The following NDNF variants were observed in gnomAD, a reference collection of about 807,000 sequenced individuals.
The protein encoded by NDNF is neuron derived neurotrophic factor, also known as protein NDNF.
In NDNF, 16 loss-of-function variants were observed where a neutral mutation model predicts 42.0. The observed-to-expected ratio is 0.38, with a 90% confidence interval of 0.26 to 0.58. The LOEUF is 0.58. NDNF is among the 20% of genes least tolerant of loss of function. NDNF has a pLI of 0.67. For synonymous variants in NDNF, 248 were observed against 251.7 expected, an observed-to-expected ratio of 0.99 and a Z score of 0.14; for missense variants, 616 against 666.2, an observed-to-expected ratio of 0.92 and a Z score of 0.83.
At chr4:121,048,477 T>C (rs1727132094) in intron 1 of NDNF, among the ~76,000 whole-genome samples, 1 of 152,192 alleles carries the variant, frequency 6.6e-6, no homozygotes, top group South Asian at 2.1e-4. Context: ...TAGTGTCGAT[T>C]GATAGGAACT....
intron 1 of NDNF, among the ~76,000 whole-genome samples, chr4:121,065,772 G>A (rs914429928): frequency 1.3e-5 from 2 of 151,250 alleles, no homozygotes; most frequent in African/African-American, 4.9e-5. Flanking sequence ...ACATATATAT[G>A]TATAAAATAA....
At chr4:121,056,923 C>T (rs1727306055) in intron 1 of NDNF, among the ~76,000 whole-genome samples, 1 of 152,312 alleles carries the variant, frequency 6.6e-6, no homozygotes, top group South Asian at 2.1e-4. Flanking sequence ...ACCAATAAGG[C>T]AGTGACAACA....
At chr4:121,043,645 CTT>C (rs10607210) in intron 2 of NDNF, among the ~76,000 whole-genome samples, 9,016 of 152,048 alleles carry the variant, frequency 0.059, 845 homozygotes, top group African/African-American at 0.2. Context: ...ACAGGCAAAA[CTT>C]ATTTAATTTT....
In NDNF at chr4:121,039,917, T is replaced by C; in HGVS notation, c.313+13A>G. The C allele has an allele frequency of 6.2e-7, 1 of 1,611,820 alleles. No individual in the cohort carries two copies. The highest frequency in any genetic ancestry group is 8.5e-7 in the Non-Finnish European group (1 of 1,179,010). ...ATTCAAAGGTCCAGGGGCAGATCTA[T>C]CCTGCTGCTTACCTGAGCCTTCCCC... On this transcript the variant is annotated intron_variant, in intron 3 of 3. Coordinates refer to ENST00000379692, the MANE Select transcript of NDNF (RefSeq NM_024574.4).
chr4:121,041,738 T>G (rs527920851), intron 2 of NDNF, among the ~76,000 whole-genome samples: 1 of 152,284 alleles, frequency 6.6e-6, no homozygotes, highest in South Asian at 2.1e-4. Context: ...TCCTTGAGAT[T>G]TATTTTAGTC....
At chr4:121,050,472 T>C (rs1356884054) in intron 1 of NDNF, among the ~76,000 whole-genome samples, 1 of 152,158 alleles carries the variant, frequency 6.6e-6, no homozygotes, top group Non-Finnish European at 1.5e-5. Context: ...GGCCATCTGG[T>C]GGATGATGTA....
Position 121,037,220 on chromosome 4 carries a change from C to T in NDNF, c.751G>A (p.Asp251Asn). 1 of 1,614,052 alleles carries T rather than the reference C, an allele frequency of 6.2e-7. No individual in the cohort carries two copies. The highest frequency in any genetic ancestry group is 8.5e-7 in the Non-Finnish European group (1 of 1,180,010). The change falls in exon 4 of 4, where the codon GAC becomes AAC. Residue 251 changes from aspartate to asparagine, a missense_variant. Coordinates refer to ENST00000379692, the MANE Select transcript of NDNF (RefSeq NM_024574.4). ...PKPGLDFSPF[D>N]FAHFGFPSDN... is the part of the protein sequence containing the mutation. ...GAAGGAAATCCAAAGTGGGCAAAGT[C>T]AAAGGGGCTGAAGTCCAGACCAGGT... is the stretch of plus-strand genomic sequence containing the variant.
intron 1 of NDNF, among the ~76,000 whole-genome samples, chr4:121,069,981 T>C (rs951426420): frequency 2.0e-5 from 3 of 152,222 alleles, no homozygotes; most frequent in East Asian, 3.8e-4. Flanking sequence ...AGAAGACAGA[T>C]GGAGGCAAAT....
At chr4:121,048,376 C>T (rs1311351717) in intron 1 of NDNF, among the ~76,000 whole-genome samples, 3 of 152,224 alleles carry the variant, frequency 2.0e-5, no homozygotes. Flanking sequence ...CACAAAGCTG[C>T]CAACCACGGT....
At chr4:121,056,914 C>T (rs1727305804) in intron 1 of NDNF, among the ~76,000 whole-genome samples, 1 of 152,168 alleles carries the variant, frequency 6.6e-6, no homozygotes, top group African/African-American at 2.4e-5. Flanking sequence ...GCGATACCCA[C>T]CAATAAGGCA....
At chr4:121,068,324 T>C (rs912159924) in intron 1 of NDNF, among the ~76,000 whole-genome samples, 1 of 152,178 alleles carries the variant, frequency 6.6e-6, no homozygotes, top group Non-Finnish European at 1.5e-5. Context: ...TATTTTAAAA[T>C]AGAGTATTTA....
In NDNF at chr4:121,036,620, T is replaced by C. The variant is rs1267213161; in HGVS notation, c.1351A>G (p.Thr451Ala). Reference protein sequence around the residue: ...KQSFPSLPEDTRIKAFDKLRT... With the variant: ...KQSFPSLPEDARIKAFDKLRT... ...AGCTTGTCAAAGGCTTTGATTCTTG[T>C]GTCTTCAGGAAGAGAGGGAAATGAC... The change falls in exon 4 of 4, where the codon ACA becomes GCA. Residue 451 changes from threonine to alanine, a missense_variant. Thr to Ala is a moderately conservative substitution (Grantham distance 58). Coordinates refer to ENST00000379692, the MANE Select transcript of NDNF (RefSeq NM_024574.4). 3.1e-6 allele frequency: 5 copies of C among 1,614,196 alleles called. No individual in the cohort carries two copies. The highest frequency in any genetic ancestry group is 1.1e-5 in the South Asian group (1 of 91,082).
chr4:121,045,091 G>A (rs550674505), intron 2 of NDNF, among the ~76,000 whole-genome samples: 2 of 152,230 alleles, frequency 1.3e-5, no homozygotes, highest in East Asian at 1.9e-4. Context: ...AGTGGCTTAC[G>A]CCTGTAATCC....
At chr4:121,051,187 G>A (rs1727188094) in intron 1 of NDNF, among the ~76,000 whole-genome samples, 1 of 152,072 alleles carries the variant, frequency 6.6e-6, no homozygotes, top group Admixed American at 6.6e-5. Flanking sequence ...ATATGGAGAA[G>A]GGATTCTTTC....
At position 121,072,126 on chromosome 4, in the gene NDNF, G is replaced by A. The variant is rs1250697583; in HGVS notation, c.-135C>T. Reference sequence around the variant, plus strand: ...TATCCAGGAACGAGAAGCCTGGAGGGCGGGGACGGAGGCAGATAAAAGAGA... The same window carrying A: ...TATCCAGGAACGAGAAGCCTGGAGGACGGGGACGGAGGCAGATAAAAGAGA... On this transcript the variant is annotated 5_prime_UTR_variant, in exon 1 of 4. Coordinates refer to ENST00000379692, the MANE Select transcript of NDNF (RefSeq NM_024574.4). 7.9e-5 allele frequency: 12 copies of A among 152,444 alleles called. No individual in the cohort carries two copies. The highest frequency in any genetic ancestry group is 1.8e-4 in the Non-Finnish European group (12 of 68,218). The allele number at this position is 152,444 out of a possible 1,614,324, so 9.4% of individuals were successfully genotyped here.
chr4:121,067,894 T>G (rs1346070342), intron 1 of NDNF, among the ~76,000 whole-genome samples: 2 of 152,240 alleles, frequency 1.3e-5, no homozygotes, highest in Non-Finnish European at 2.9e-5. Flanking sequence ...ATATTGCTTC[T>G]TTGGGTTGTG....
At chr4:121,039,698 C>T (rs1726962288) in intron 3 of NDNF, among the ~76,000 whole-genome samples, 1 of 152,076 alleles carries the variant, frequency 6.6e-6, no homozygotes, top group African/African-American at 2.4e-5. Flanking sequence ...CAAACCTCTC[C>T]CCTTCTCCTC....
At position 121,037,542 on chromosome 4, in the gene NDNF, G is replaced by A. The variant is rs3733560; in HGVS notation, c.429C>T (p.Ser143=). 0.55 allele frequency: 889,053 copies of A among 1,613,548 alleles called. 254,162 individuals are homozygous for A. The highest frequency in any genetic ancestry group is 0.59 in the Non-Finnish European group (695,932 of 1,179,712). The change falls in exon 4 of 4, where the codon TCC becomes TCT. Residue 143 remains serine (S), a synonymous_variant. Transcript: ENST00000379692. ...AAAGAAGATCCAACTGATATAAACCGGATGGGGAACTAGACGATATAAAAT... is the reference window on the plus strand; with the variant it reads ...AAAGAAGATCCAACTGATATAAACCAGATGGGGAACTAGACGATATAAAAT... ...VEYFISSSSP[S]GLYQLDLLST... is the part of the protein sequence containing the mutation.
chr4:121,041,932 G>A (rs1159782492), intron 2 of NDNF, among the ~76,000 whole-genome samples: 1 of 152,090 alleles, frequency 6.6e-6, no homozygotes, highest in Non-Finnish European at 1.5e-5. Flanking sequence ...ACAAGAAACA[G>A]GTGAGGTAGG....
Sources: gnomAD v4.1 joint callset for allele counts (sites outside exome capture counted in the v4.1 genomes callset) on GRCh38, gnomAD v4.1.1 for gene constraint, MANE v1.5 for transcripts, NCBI Gene and HGNC (gene_info 2026-07-23, HGNC 2026-07-21) for gene names.